The following SHPK variants were observed in gnomAD, a reference collection of about 807,000 sequenced individuals.
SHPK encodes carbohydrate kinase-like protein.
A neutral mutation model predicts 46.3 loss-of-function variants in SHPK; 51 were observed. The ratio of observed to expected loss-of-function variants is 1.10; its 90% CI spans 0.88 to 1.39. SHPK has a LOEUF of 1.39. SHPK is among the 40% of genes most tolerant of loss of function. The pLI is 0.00. For synonymous variants in SHPK, 290 were observed against 273.9 expected, an observed-to-expected ratio of 1.06 and a Z score of -0.58; for missense variants, 668 against 641.3, an observed-to-expected ratio of 1.04 and a Z score of -0.45.
Position 3,621,233 on chromosome 17 carries a change from T to C in SHPK, c.823+4A>G. On this transcript the variant is annotated splice_donor_region_variant and intron_variant, in intron 5 of 6. Coordinates refer to ENST00000225519, the MANE Select transcript of SHPK (RefSeq NM_013276.4). ...TCTGAGGACAGAACAAAAGAAAAAC[T>C]TACCTGCATCTGTCCTCTGGGCCAT... is the stretch of plus-strand genomic sequence containing the variant. The C allele has an allele frequency of 6.2e-7, 1 of 1,602,460 alleles. No homozygotes were observed. Among genetic ancestry groups the C allele is most frequent in the Non-Finnish European group, 8.5e-7 (1 of 1,174,630 alleles).
In SHPK at chr17:3,610,821, G is replaced by T. The variant is rs374216418; in HGVS notation, c.1176C>A (p.Asp392Glu). 3 of 1,614,176 alleles carry T rather than the reference G, an allele frequency of 1.9e-6. No individual in the cohort carries two copies. The highest frequency in any genetic ancestry group is 2.5e-6 in the Non-Finnish European group (3 of 1,180,030). ...CCCGGGTCACGTGCCCCAGGGAGAG[G>T]TCGGAGGAGGAGATTCTGGTCACTG... ...LASVTRISSSDLSLGHVTRAL... is the reference protein window; with the variant it reads ...LASVTRISSSELSLGHVTRAL... The change falls in exon 7 of 7, where the codon GAC (aspartate) becomes GAA (glutamate). Residue 392 changes from aspartate (D) to glutamate (E), a missense_variant. Coordinates refer to ENST00000225519, the MANE Select transcript of SHPK (RefSeq NM_013276.4).
chr17:3,619,340 T>C, intron 5 of SHPK: 2 of 1,286,118 alleles, frequency 1.6e-6, no homozygotes, highest in Non-Finnish European at 2.3e-6. Context: ...AGGTGAGAGT[T>C]ATCTGGACCT....
At chr17:3,611,762 C>T (rs898354561) in intron 6 of SHPK, among the ~76,000 whole-genome samples, 2 of 148,476 alleles carry the variant, frequency 1.3e-5, no homozygotes, top group East Asian at 2.0e-4. Context: ...GAATCCCGAT[C>T]GGACTTTTCT....
At chr17:3,632,455 C>T (rs2075478581) in intron 1 of SHPK, among the ~76,000 whole-genome samples, 1 of 152,140 alleles carries the variant, frequency 6.6e-6, no homozygotes, top group African/African-American at 2.4e-5. Context: ...CATCCCAGGA[C>T]AGAGCTGCTG....
chr17:3,624,204 G>A lies in SHPK; in HGVS notation c.338C>T (p.Thr113Ile), dbSNP rs373708278. ...QGCEWTEGGI[T>I]PVFEPRAVSH... ...AACAGCTCGGGGCTCGAACACCGGG[G>A]TAATCCCTCCCTCTGTCCATTCACA... The change falls in exon 3 of 7, where the codon ACC (threonine) becomes ATC (isoleucine). Residue 113 changes from threonine (T) to isoleucine (I), a missense_variant. Thr to Ile is a moderately conservative substitution (Grantham distance 89). Coordinates refer to ENST00000225519, the MANE Select transcript of SHPK (RefSeq NM_013276.4). 1.3e-5 allele frequency: 21 copies of A among 1,613,520 alleles called. No homozygotes were observed. Among genetic ancestry groups the A allele is most frequent in the East Asian group, 8.9e-5 (4 of 44,882 alleles).
Position 3,624,044 on chromosome 17 carries a change from G to T in SHPK, c.494+4C>A. Reference sequence around the variant, plus strand: ...CACCCGAGTGAAAGTGCAGTTGCCCGTACCGATATTTCAAAAGCCAGAAGA... The same window carrying T: ...CACCCGAGTGAAAGTGCAGTTGCCCTTACCGATATTTCAAAAGCCAGAAGA... On this transcript the variant is annotated splice_donor_region_variant and intron_variant, in intron 3 of 6. Coordinates refer to ENST00000225519, the MANE Select transcript of SHPK (RefSeq NM_013276.4). The T allele has an allele frequency of 6.3e-7, 1 of 1,599,526 alleles. No homozygotes were observed. The highest frequency in any genetic ancestry group is 1.1e-5 in the South Asian group (1 of 90,434).
At chr17:3,623,228 C>T in intron 4 of SHPK, 111 bp downstream of exon 4, 2 of 1,271,684 alleles carry the variant, frequency 1.6e-6, no homozygotes, top group Non-Finnish European at 2.2e-6. Context: ...ATCCTGGCCT[C>T]TGGGAACCCT....
In SHPK at chr17:3,622,410, G is replaced by A. The variant is rs539844101; in HGVS notation, c.647+929C>T. The A allele has an allele frequency of 1.2e-4, 21 of 180,682 alleles. No homozygotes were observed. The East Asian group carries it at 3.0e-3, about 26-fold the overall frequency. The allele number at this position is 180,682 out of a possible 1,614,324, so 11.2% of individuals were successfully genotyped here. Reference sequence around the variant, plus strand: ...AAAGGGAGGCAGCCGGAGGTTCGGCGCCATTATGGTTGGTGAGCACAGCCC... The same window carrying A: ...AAAGGGAGGCAGCCGGAGGTTCGGCACCATTATGGTTGGTGAGCACAGCCC... On this transcript the variant is annotated intron_variant, in intron 4 of 6. Coordinates refer to ENST00000225519, the MANE Select transcript of SHPK (RefSeq NM_013276.4).
chr17:3,622,480 A>T, intron 4 of SHPK: 1 of 525,164 alleles, frequency 1.9e-6, no homozygotes, highest in Non-Finnish European at 2.4e-6. Context: ...CAAACGTGTT[A>T]GTCACTCAGG....
At chr17:3,622,314 G>C (rs2075408002) in intron 4 of SHPK, among the ~76,000 whole-genome samples, 1 of 152,166 alleles carries the variant, frequency 6.6e-6, no homozygotes, top group Admixed American at 6.5e-5. Context: ...TTCCAGGAAA[G>C]AAAACAAACA....
intron 1 of SHPK, among the ~76,000 whole-genome samples, chr17:3,633,752 C>T (rs1030778318): frequency 6.6e-6 from 1 of 152,108 alleles, no homozygotes; most frequent in Non-Finnish European, 1.5e-5. Flanking sequence ...CGGCCACCAC[C>T]CCGTCTGGGT....
At chr17:3,623,270 A>G in intron 4 of SHPK, 69 bp downstream of exon 4, 9 of 1,567,046 alleles carry the variant, frequency 5.7e-6, no homozygotes, top group Non-Finnish European at 7.9e-6. Context: ...GCACCCACTG[A>G]AGCACTGGCT....
intron 6 of SHPK, among the ~76,000 whole-genome samples, chr17:3,611,700 A>G (rs1255227182): frequency 1.3e-5 from 2 of 152,114 alleles, no homozygotes; most frequent in African/African-American, 4.8e-5. Flanking sequence ...CTGAAATCCA[A>G]GGAAGAAGGA....
At position 3,636,235 on chromosome 17, in the gene SHPK, CG is replaced by C. The variant is rs767130842; in HGVS notation, c.-17del. 22 of 1,588,838 alleles carry C rather than the reference CG, an allele frequency of 1.4e-5. No homozygotes were observed. In the South Asian group the frequency reaches 2.5e-4, roughly 18 times the overall value. ...GCGCAGCCATTATCTCCCTGACCCG[CG>C]CAGCTCCAGTCTGCAGCCAGCGGCC... On this transcript the variant is annotated 5_prime_UTR_variant, in exon 1 of 7. Coordinates refer to ENST00000225519, the MANE Select transcript of SHPK (RefSeq NM_013276.4).
chr17:3,628,101 G>A (rs1033924233), intron 2 of SHPK, among the ~76,000 whole-genome samples: 2 of 152,020 alleles, frequency 1.3e-5, no homozygotes, highest in South Asian at 2.1e-4. Context: ...GCAGGTCACC[G>A]TGCACTTCAG....
chr17:3,622,303 C>T (rs1344630457), intron 4 of SHPK, among the ~76,000 whole-genome samples: 1 of 152,146 alleles, frequency 6.6e-6, no homozygotes, highest in Non-Finnish European at 1.5e-5. Context: ...TAGGATTCAC[C>T]TTCCAGGAAA....
intron 5 of SHPK, 67 bp downstream of exon 5, chr17:3,621,170 C>A: frequency 7.3e-7 from 1 of 1,370,346 alleles, no homozygotes; most frequent in South Asian, 1.4e-5. Context: ...TGCAGACTCG[C>A]ACAGAGCTGG....
chr17:3,618,542 G>A (rs930222419), intron 5 of SHPK, among the ~76,000 whole-genome samples: 2 of 152,086 alleles, frequency 1.3e-5, no homozygotes, highest in African/African-American at 4.8e-5. Context: ...AGCACTTTAG[G>A]AGGCCGAGGC....
chr17:3,628,698 G>A (rs1365067255), intron 2 of SHPK, among the ~76,000 whole-genome samples: 10 of 152,170 alleles, frequency 6.6e-5, no homozygotes, highest in Non-Finnish European at 4.4e-5. Context: ...GCCCATGCTG[G>A]AGTGCAGTGG....
Sources: gnomAD v4.1 joint callset for allele counts (sites outside exome capture counted in the v4.1 genomes callset) on GRCh38, gnomAD v4.1.1 for gene constraint, MANE v1.5 for transcripts, NCBI Gene and HGNC (gene_info 2026-07-23, HGNC 2026-07-21) for gene names.